The following DIPK1A variants were observed in gnomAD, a reference collection of about 807,000 sequenced individuals.
The protein encoded by DIPK1A is family with sequence similarity 69 member A.
DIPK1A carries 27 observed loss-of-function variants against 40.8 expected under a neutral mutation model. The ratio of observed to expected loss-of-function variants is 0.66; its 90% confidence interval spans 0.49 to 0.91. DIPK1A has a LOEUF of 0.91. DIPK1A is among the 40% of genes least tolerant of loss of function. DIPK1A has a pLI of 0.00. For missense variants in DIPK1A, 412 were observed against 505.7 expected (o/e 0.81, Z 1.78); for synonymous variants, 166 against 171.3 (o/e 0.97, Z 0.24).
rs1213783239 is a variant in DIPK1A at position 92,832,741 on chromosome 1, AT to A, written c.*278del. 6 of 444,330 alleles carry A rather than the reference AT, an allele frequency of 1.4e-5. No individual in the cohort carries two copies. In the Middle Eastern group the frequency reaches 1.9e-3, roughly 140 times the overall value. 27.5% of individuals were successfully genotyped at this position (444,330 alleles called of 1,614,324 possible). A position where few individuals can be genotyped will look rare whatever the true frequency, so the allele number is the denominator to read the frequency against. On this transcript the variant is annotated 3_prime_UTR_variant, in exon 5 of 5. Transcript: ENST00000615519. Reference sequence around the variant, plus strand: ...TCCGTCGCCGGATGAGTTTTTAATTATTGGGGTAGGGCCCCAAGGGTGGGAT... The same window carrying A: ...TCCGTCGCCGGATGAGTTTTTAATTATGGGGTAGGGCCCCAAGGGTGGGAT...
At chr1:92,882,836 A>C (rs1028574115) in intron 1 of DIPK1A, among the ~76,000 whole-genome samples, 1 of 152,240 alleles carries the variant, frequency 6.6e-6, no homozygotes, top group Non-Finnish European at 1.5e-5. Flanking sequence ...TGTGTATCCC[A>C]CATATTATAT....
At chr1:92,920,784 T>G (rs1351475847) in intron 1 of DIPK1A, among the ~76,000 whole-genome samples, 1 of 152,172 alleles carries the variant, frequency 6.6e-6, no homozygotes, top group Admixed American at 6.5e-5. Context: ...GTAAAGACAA[T>G]GGGTTGGTAC....
At chr1:92,835,236 C>T (rs1052323073) in intron 4 of DIPK1A, 7 of 415,764 alleles carry the variant, frequency 1.7e-5, no homozygotes, top group Non-Finnish European at 3.2e-5. Flanking sequence ...ACCCTTGCTA[C>T]TTAGGTATAC....
At chr1:92,931,974 CAGAT>C in intron 1 of DIPK1A, 1 of 437,422 alleles carries the variant, frequency 2.3e-6, no homozygotes. Context: ...TACTTGCTAA[CAGAT>C]AGACTGATAA....
intron 1 of DIPK1A, among the ~76,000 whole-genome samples, chr1:92,886,981 AAT>A (rs1648629296): frequency 6.6e-6 from 1 of 151,984 alleles, no homozygotes; most frequent in Non-Finnish European, 1.5e-5. Flanking sequence ...TCTTTACCGA[AAT>A]AGTTTGCTGA....
intron 1 of DIPK1A, among the ~76,000 whole-genome samples, chr1:92,926,599 A>G (rs1288237926): frequency 6.6e-6 from 1 of 152,208 alleles, no homozygotes; most frequent in Non-Finnish European, 1.5e-5. Flanking sequence ...TAATTGCTCT[A>G]AAAGGGATAT....
At chr1:92,939,402 T>C (rs1651067235) in intron 1 of DIPK1A, among the ~76,000 whole-genome samples, 1 of 152,176 alleles carries the variant, frequency 6.6e-6, no homozygotes, top group Non-Finnish European at 1.5e-5. Context: ...ATAGGATATA[T>C]TTTAGGTTAA....
intron 1 of DIPK1A, among the ~76,000 whole-genome samples, chr1:92,894,501 G>C (rs1029300839): frequency 6.6e-6 from 1 of 152,018 alleles, no homozygotes; most frequent in Non-Finnish European, 1.5e-5. Context: ...CACATTCAAA[G>C]CAGTGTGTAG....
At chr1:92,846,811 A>ATATATATATATGTGTG (rs1687622396) in intron 4 of DIPK1A, among the ~76,000 whole-genome samples, 1 of 3,200 alleles carries the variant, frequency 3.1e-4, no homozygotes, top group Non-Finnish European at 4.2e-4. Context: ...ATATATATAT[A>ATATATATATATGTGTG]TATATATATA....
At chr1:92,954,376 TTTTTTTTTTTTTTTG>T (rs1380403923) in intron 1 of DIPK1A, among the ~76,000 whole-genome samples, 5 of 6,444 alleles carry the variant, frequency 7.8e-4, no homozygotes, top group Admixed American at 6.5e-3. Flanking sequence ...CTTTCTTTTT[TTTTTTTTTTTTTTTG>T]TTTTGAGACA....
intron 1 of DIPK1A, among the ~76,000 whole-genome samples, chr1:92,939,021 C>G (rs1010826182): frequency 6.6e-6 from 1 of 152,116 alleles, no homozygotes; most frequent in Non-Finnish European, 1.5e-5. Flanking sequence ...CTGCCTCAGC[C>G]TCACAAGTAG....
chr1:92,930,896 G>A (rs978670971), intron 1 of DIPK1A: 2 of 151,916 alleles, frequency 1.3e-5, no homozygotes, highest in African/African-American at 4.8e-5. Context: ...CCCTTCCTGG[G>A]GTCCTGTAAC....
At chr1:92,892,791 C>T (rs1648956983) in intron 1 of DIPK1A, among the ~76,000 whole-genome samples, 2 of 139,532 alleles carry the variant, frequency 1.4e-5, no homozygotes, top group African/African-American at 5.5e-5. Context: ...ATAACCAATG[C>T]AGAGAAGTCC....
chr1:92,924,958 C>T (rs915084183), intron 1 of DIPK1A, among the ~76,000 whole-genome samples: 4 of 152,202 alleles, frequency 2.6e-5, no homozygotes, highest in Non-Finnish European at 5.9e-5. Flanking sequence ...TGTAGATGCC[C>T]TTTATCAGAT....
At chr1:92,899,348 T>C (rs1314393129) in intron 1 of DIPK1A, among the ~76,000 whole-genome samples, 2 of 152,228 alleles carry the variant, frequency 1.3e-5, no homozygotes, top group East Asian at 1.9e-4. Flanking sequence ...CTGTTTTATC[T>C]GACATAAGCA....
At chr1:92,882,000 A>G (rs2100786042) in intron 1 of DIPK1A, among the ~76,000 whole-genome samples, 1 of 152,330 alleles carries the variant, frequency 6.6e-6, no homozygotes, top group East Asian at 1.9e-4. Flanking sequence ...TTTTAACTGT[A>G]AAATATTAAC....
intron 3 of DIPK1A, among the ~76,000 whole-genome samples, chr1:92,850,202 G>A (rs987409061): frequency 2.0e-5 from 3 of 151,524 alleles, no homozygotes; most frequent in Admixed American, 1.3e-4. Flanking sequence ...ACTCCTGGGC[G>A]CAAGTGGTCC....
At chr1:92,865,041 CA>C (rs56735279) in intron 2 of DIPK1A, among the ~76,000 whole-genome samples, 730 of 70,414 alleles carry the variant, frequency 0.01, 3 homozygotes, top group African/African-American at 0.04. Flanking sequence ...GACTCCGTCT[CA>C]AAAAAAAAAA....
intron 1 of DIPK1A, among the ~76,000 whole-genome samples, chr1:92,899,924 A>AT (rs575172518): frequency 4.1e-4 from 61 of 147,110 alleles, no homozygotes; most frequent in East Asian, 9.9e-4. Flanking sequence ...CTGGCTGGCT[A>AT]TTTTTTTTTT....
Sources: allele counts gnomAD v4.1 joint callset (sites outside exome capture counted in the v4.1 genomes callset), GRCh38; gene constraint gnomAD v4.1.1; transcripts MANE v1.5; gene names NCBI Gene and HGNC (gene_info 2026-07-23, HGNC 2026-07-21).